Variants in TULP3 observed in about 807,000 individuals in gnomAD.
TULP3 encodes TUB like protein 3, also known as tubby-related protein 3.
A neutral mutation model predicts 50.7 loss-of-function variants in TULP3; 38 were observed. The observed-to-expected ratio is 0.75, with a 90% CI of 0.58 to 0.98. The LOEUF (loss-of-function observed/expected upper bound fraction) is 0.98. TULP3 is among the 50% of genes least tolerant of loss of function. The pLI, the probability that TULP3 is intolerant of heterozygous loss-of-function variation, is 0.00. For missense variants in TULP3, 550 were observed against 568.0 expected (o/e 0.97, Z 0.32); for synonymous variants, 183 against 196.6 (o/e 0.93, Z 0.58).
Position 2,920,790 on chromosome 12 carries a change from A to C in TULP3, c.121A>C (p.Lys41Gln), listed in dbSNP as rs995236778. ...GCTACTACTTGAGAAGAGGCAAAGG[A>C]AAAAGCGCCTTGAGCCATTTATGGT... is the stretch of plus-strand genomic sequence containing the variant. ...QRLLLEKRQR[K>Q]KRLEPFMVQP... Residue 41 changes from lysine (K) to glutamine (Q), a missense_variant, in exon 3 of 11, where the codon AAA (lysine) becomes CAA (glutamine). Transcript: ENST00000448120. 1 of 1,614,124 alleles carries C rather than the reference A, an allele frequency of 6.2e-7. No individual in the cohort carries two copies. Among genetic ancestry groups the C allele is most frequent in the East Asian group, 2.2e-5 (1 of 44,870 alleles).
intron 2 of TULP3, among the ~76,000 whole-genome samples, chr12:2,919,388 C>G (rs1331275153): frequency 6.6e-6 from 1 of 152,146 alleles, no homozygotes; most frequent in Non-Finnish European, 1.5e-5. Flanking sequence ...TATCTTAACT[C>G]CCCAATCTTT....
At chr12:2,933,633 G>T in intron 7 of TULP3, 103 bp downstream of exon 7, 16 of 505,530 alleles carry the variant, frequency 3.2e-5, no homozygotes, top group Middle Eastern at 3.2e-4. Flanking sequence ...TATTGATGTT[G>T]TAATCTTAAA....
intron 2 of TULP3, among the ~76,000 whole-genome samples, chr12:2,911,172 A>G (rs1654055617): frequency 6.6e-6 from 1 of 151,996 alleles, no homozygotes; most frequent in African/African-American, 2.4e-5. Context: ...TAAATGTTGT[A>G]ACTTTTGTAA....
intron 10 of TULP3, 22 bp downstream of exon 10, chr12:2,938,307 G>C (rs149025316): frequency 8.1e-6 from 13 of 1,610,028 alleles, no homozygotes; most frequent in Non-Finnish European, 1.1e-5. Flanking sequence ...GGAGGGGTTG[G>C]GTGGGAAGAG....
At position 2,930,324 on chromosome 12, in the gene TULP3, T is replaced by G; in HGVS notation, c.471T>G (p.Ser157=). 6.2e-7 allele frequency: 1 copy of G among 1,612,108 alleles called. No homozygotes were observed. Among genetic ancestry groups the G allele is most frequent in the East Asian group, 2.2e-5 (1 of 44,846 alleles). The change falls in exon 5 of 11, where the codon TCT becomes TCG. Residue 157 remains serine, a synonymous_variant. Coordinates refer to ENST00000448120, the MANE Select transcript of TULP3 (RefSeq NM_003324.5). The part of the protein sequence containing the change: ...SQSACLERPN[S]ASSQNSTDTG... Reference sequence around the variant, plus strand: ...CAGCATGTTTAGAAAGACCCAATTCTGCATCAAGCCAGAATTCAACCGTAT... The same window carrying G: ...CAGCATGTTTAGAAAGACCCAATTCGGCATCAAGCCAGAATTCAACCGTAT...
chr12:2,923,031 T>A (rs1242103204), intron 4 of TULP3, among the ~76,000 whole-genome samples: 1 of 151,720 alleles, frequency 6.6e-6, no homozygotes, highest in Non-Finnish European at 1.5e-5. Flanking sequence ...TTTTTTGTAT[T>A]TTTTTAGTAG....
At position 2,939,894 on chromosome 12, in the gene TULP3, T is replaced by C. The variant is rs941358442; in HGVS notation, c.*450T>C. 11 of 1,236,218 alleles carry C rather than the reference T, an allele frequency of 8.9e-6. No individual in the cohort carries two copies. In the East Asian group the frequency reaches 2.9e-4, roughly 32 times the overall value. 76.6% of individuals were successfully genotyped at this position (1,236,218 alleles called of 1,614,324 possible). A position where few individuals can be genotyped will look rare whatever the true frequency, so the allele number is the denominator to read the frequency against. On this transcript the variant is annotated 3_prime_UTR_variant, in exon 11 of 11. Transcript: ENST00000448120. The surrounding 1 kb of genome is among the most constrained non-coding windows in gnomAD (Gnocchi z 4.0). ...AGCTTAGCATGGGTGAGAGATGATT[T>C]AAAGCACAGGGAGATTCTTGTCACA...
intron 1 of TULP3, among the ~76,000 whole-genome samples, chr12:2,896,689 A>C (rs1294170459): frequency 6.6e-6 from 1 of 152,194 alleles, no homozygotes; most frequent in Non-Finnish European, 1.5e-5. Flanking sequence ...TGCAGGAAGA[A>C]ACTTCAATAA....
At position 2,890,932 on chromosome 12, in the gene TULP3, T is replaced by C. The variant is rs762244102; in HGVS notation, c.-16T>C. On this transcript the variant is annotated 5_prime_UTR_variant, in exon 1 of 11. Transcript: ENST00000448120. ...GGAAGAGTGTGTACGTGGTGGGGGC[T>C]TCCTCGGTGGCGGGCATGGAGGCTT... 3.1e-6 allele frequency: 5 copies of C among 1,592,744 alleles called. No individual in the cohort carries two copies. Among genetic ancestry groups the C allele is most frequent in the Non-Finnish European group, 4.3e-6 (5 of 1,169,890 alleles).
intron 6 of TULP3, 50 bp from the exon 7 acceptor site, chr12:2,933,368 G>A (rs1265753421): frequency 8.8e-7 from 1 of 1,134,460 alleles, no homozygotes; most frequent in South Asian, 1.2e-5. Flanking sequence ...ACCAGAGGTG[G>A]GGCAGGTTCT....
At chr12:2,929,082 G>T (rs1246612671) in intron 4 of TULP3, among the ~76,000 whole-genome samples, 1 of 151,032 alleles carries the variant, frequency 6.6e-6, no homozygotes, top group Non-Finnish European at 1.5e-5. Flanking sequence ...GTTCGGGTGG[G>T]CCGAGACGGG....
intron 4 of TULP3, among the ~76,000 whole-genome samples, chr12:2,926,323 A>G (rs541603279): frequency 2.6e-5 from 4 of 151,948 alleles, no homozygotes; most frequent in Non-Finnish European, 4.4e-5. Context: ...AACTTGGTGA[A>G]ACCCCATCTC....
At chr12:2,928,232 T>G (rs918636265) in intron 4 of TULP3, among the ~76,000 whole-genome samples, 5 of 152,210 alleles carry the variant, frequency 3.3e-5, no homozygotes, top group Non-Finnish European at 7.3e-5. Flanking sequence ...TAGACAGAGA[T>G]TAAGAAAATG....
At position 2,931,210 on chromosome 12, in the gene TULP3, T is replaced by G. The variant is rs1209060945; in HGVS notation, c.666T>G (p.Tyr222Ter). Residue 222 changes from tyrosine (Y) to a stop codon, truncating the protein, a stop_gained, in exon 6 of 11, where the codon TAT (tyrosine) becomes TAG (stop). Transcript: ENST00000448120. LOFTEE classifies it high-confidence loss of function. ...GMDRGLFPTY[Y>*]MYLEKEENQK... is the part of the protein sequence containing the mutation. ...ATCGGGGTCTCTTCCCCACCTACTA[T>G]ATGTACTTGGAAAAAGAAGAAAATC... The G allele has an allele frequency of 6.2e-7, 1 of 1,614,056 alleles. No individual in the cohort carries two copies. The highest frequency in any genetic ancestry group is 2.2e-5 in the East Asian group (1 of 44,886).
intron 2 of TULP3, among the ~76,000 whole-genome samples, chr12:2,914,376 A>T (rs10848740): frequency 0.27 from 41,691 of 151,686 alleles, 6,263 homozygotes; most frequent in African/African-American, 0.39. Context: ...TGCTCGCCTC[A>T]GCCTCCCAAA....
intron 6 of TULP3, among the ~76,000 whole-genome samples, chr12:2,933,109 A>AT (rs1384523978): frequency 6.6e-6 from 1 of 151,846 alleles, no homozygotes; most frequent in Non-Finnish European, 1.5e-5. Context: ...CGCCCAGCTA[A>AT]TTTTTTGTAT....
At chr12:2,918,266 A>C (rs1227384630) in intron 2 of TULP3, among the ~76,000 whole-genome samples, 1 of 147,424 alleles carries the variant, frequency 6.8e-6, no homozygotes, top group African/African-American at 2.5e-5. Context: ...GGCGCTTGCC[A>C]CCACGCCTGG....
intron 6 of TULP3, 126 bp from the exon 7 acceptor site, chr12:2,933,291 AT>A: frequency 1.6e-6 from 1 of 627,022 alleles, no homozygotes; most frequent in South Asian, 1.9e-5. Flanking sequence ...AGGCCCAAAG[AT>A]TAACAGCTTG....
chr12:2,896,958 A>G (rs1377548127), intron 1 of TULP3, among the ~76,000 whole-genome samples: 1 of 152,238 alleles, frequency 6.6e-6, no homozygotes, highest in Non-Finnish European at 1.5e-5. Context: ...ACTTAAGTGC[A>G]ACTAGCAGAG....
Sources: allele counts gnomAD v4.1 joint callset (sites outside exome capture counted in the v4.1 genomes callset), GRCh38; gene constraint gnomAD v4.1.1; non-coding constraint Gnocchi (gnomAD v3.1); transcripts MANE v1.5; gene names NCBI Gene and HGNC (gene_info 2026-07-23, HGNC 2026-07-21).